Variants in CAPS2 observed in about 807,000 individuals in gnomAD.
The protein encoded by CAPS2 is calcyphosine 2, also known as calcyphosin-2.
Under a neutral mutation model 86.5 loss-of-function variants are expected in CAPS2, and 98 were observed. The ratio of observed to expected loss-of-function variants is 1.13; its 90% CI spans 0.96 to 1.34. The LOEUF (loss-of-function observed/expected upper bound fraction) is 1.34. CAPS2 is among the 40% of genes most tolerant of loss of function. The pLI is 0.00. For synonymous variants in CAPS2, 210 were observed against 225.1 expected, an observed-to-expected ratio of 0.93 and a Z score of 0.60; for missense variants, 729 against 686.8, an observed-to-expected ratio of 1.06 and a Z score of -0.69.
At chr12:75,284,540 A>C (rs1470107758) in intron 15 of CAPS2, among the ~76,000 whole-genome samples, 1 of 152,158 alleles carries the variant, frequency 6.6e-6, no homozygotes, top group Non-Finnish European at 1.5e-5. Flanking sequence ...AAACAAAATG[A>C]CTGGAGTATT....
chr12:75,299,912 C>A lies in CAPS2; in HGVS notation c.780-1G>T. 1 of 1,314,130 alleles carries A rather than the reference C, an allele frequency of 7.6e-7. No homozygotes were observed. The highest frequency in any genetic ancestry group is 1.0e-6 in the Non-Finnish European group (1 of 959,268). 81.4% of individuals were successfully genotyped at this position (1,314,130 alleles called of 1,614,324 possible). Reference sequence around the variant, plus strand: ...AGTTAATGTAGAATGAGTTCTTATCCTGTTAAGAAATACATTTTGTCAGTA... The same window carrying A: ...AGTTAATGTAGAATGAGTTCTTATCATGTTAAGAAATACATTTTGTCAGTA... On this transcript the variant is annotated splice_acceptor_variant, in intron 8 of 16. Transcript: ENST00000393284. LOFTEE classifies it high-confidence loss of function.
intron 1 of CAPS2, among the ~76,000 whole-genome samples, chr12:75,376,684 C>T (rs578134409): frequency 6.6e-6 from 1 of 152,290 alleles, no homozygotes; most frequent in African/African-American, 2.4e-5. Flanking sequence ...TCAGGGTCCT[C>T]CCACACATCC....
At chr12:75,359,356 T>TA (rs2043398016) in intron 1 of CAPS2, among the ~76,000 whole-genome samples, 1 of 132,822 alleles carries the variant, frequency 7.5e-6, no homozygotes, top group Non-Finnish European at 1.6e-5. Context: ...AGCATTGTTG[T>TA]CTTTTTTTTT....
chr12:75,344,078 T>G, intron 1 of CAPS2: 1 of 612,774 alleles, frequency 1.6e-6, no homozygotes, highest in Non-Finnish European at 2.7e-6. Context: ...TTGAGCAATT[T>G]AATAATAATA....
At chr12:75,381,099 C>T (rs2044941677) in intron 1 of CAPS2, among the ~76,000 whole-genome samples, 1 of 152,146 alleles carries the variant, frequency 6.6e-6, no homozygotes, top group Admixed American at 6.5e-5. Flanking sequence ...AGAATTCCCA[C>T]ATGTTGTAGG....
chr12:75,309,593 G>C (rs1038602600), intron 7 of CAPS2, among the ~76,000 whole-genome samples: 2 of 152,196 alleles, frequency 1.3e-5, no homozygotes, highest in Non-Finnish European at 2.9e-5. Context: ...AGGGTATCAT[G>C]AACCTTCAAA....
intron 1 of CAPS2, among the ~76,000 whole-genome samples, chr12:75,367,268 GAAA>G (rs35250320): frequency 4.5e-4 from 40 of 88,732 alleles, no homozygotes; most frequent in African/African-American, 1.0e-3. Flanking sequence ...TTCCTAGGAG[GAAA>G]AAAAAAAAAA....
At chr12:75,291,479 G>GCA (rs2035843825) in intron 13 of CAPS2, among the ~76,000 whole-genome samples, 1 of 14,894 alleles carries the variant, frequency 6.7e-5, no homozygotes, top group South Asian at 2.7e-3. Context: ...AACAATAAAA[G>GCA]CATATATATA....
chr12:75,334,313 C>G (rs572764303), upstream of CAPS2: 57 of 182,330 alleles, frequency 3.1e-4, no homozygotes, highest in Non-Finnish European at 4.4e-4. Context: ...ACGGAAGCTG[C>G]GTCTAAGAAA....
chr12:75,331,781 T>C (rs1433868186), upstream of CAPS2, among the ~76,000 whole-genome samples: 1 of 152,038 alleles, frequency 6.6e-6, no homozygotes, highest in Non-Finnish European at 1.5e-5. Context: ...GCCGGGATGG[T>C]CTCGATCTCC....
At chr12:75,384,210 TA>T (rs2045159796) in intron 1 of CAPS2, among the ~76,000 whole-genome samples, 1 of 152,056 alleles carries the variant, frequency 6.6e-6, no homozygotes, top group South Asian at 2.1e-4. Flanking sequence ...AGAAAATTAA[TA>T]AAATCAAAAG....
At chr12:75,390,188 T>A in intron 1 of CAPS2, 1 of 383,718 alleles carries the variant, frequency 2.6e-6, no homozygotes, top group South Asian at 2.0e-5. Context: ...TTTAAAGTCT[T>A]CAAAGCAAGT....
chr12:75,284,169 C>A lies in CAPS2; in HGVS notation c.1515+792G>T, dbSNP rs559366772. Among the ~76,000 whole-genome samples the A allele has an allele frequency of 1.1e-4, 17 of 152,136 alleles. No homozygotes were observed. In the East Asian group the frequency reaches 1.4e-3, roughly 12 times the overall value. ...ATCACCAGGAAGGACATGGAAAGTA[C>A]GAATAAGTACACATTTATAAATATT... is the stretch of plus-strand genomic sequence containing the variant. On this transcript the variant is annotated intron_variant, in intron 15 of 16. Coordinates refer to ENST00000393284, the Ensembl canonical transcript of CAPS2.
chr12:75,302,448 T>C (rs545588585), intron 8 of CAPS2, among the ~76,000 whole-genome samples: 1 of 152,336 alleles, frequency 6.6e-6, no homozygotes, highest in East Asian at 1.9e-4. Flanking sequence ...TATGTGGCAT[T>C]ACAAGTCAGA....
At chr12:75,299,980 CA>C (rs36046697) in intron 8 of CAPS2, 69 bp from the exon 9 acceptor site, 4 of 596,944 alleles carry the variant, frequency 6.7e-6, no homozygotes, top group East Asian at 3.1e-5. Flanking sequence ...TGTAAATGTA[CA>C]AAAAAAGTTA....
intron 1 of CAPS2, among the ~76,000 whole-genome samples, chr12:75,372,304 C>T (rs146627596): frequency 1.5e-3 from 229 of 152,274 alleles, no homozygotes; most frequent in African/African-American, 5.0e-3. Context: ...TGAGCCACCA[C>T]GCCCAACCTG....
At chr12:75,388,706 T>C (rs931834721) in intron 1 of CAPS2, among the ~76,000 whole-genome samples, 2 of 152,190 alleles carry the variant, frequency 1.3e-5, no homozygotes, top group African/African-American at 2.4e-5. Context: ...TGGTACTAAA[T>C]GCTGGAAACA....
At position 75,368,605 on chromosome 12, in the gene CAPS2, A is replaced by C. The variant is rs532178069; in HGVS notation, c.-395+22233T>G. The stretch of plus-strand genomic sequence containing the variant: ...AGATCCTTGTTAACTTTTTTTATTT[A>C]CAAATTTTTGCATTTATTTTTAGAA... On this transcript the variant is annotated intron_variant, in intron 1 of 5. Transcript: ENST00000551829. Among the ~76,000 whole-genome samples the C allele has an allele frequency of 2.0e-5, 3 of 151,528 alleles. No individual in the cohort carries two copies. The South Asian group carries it at 6.2e-4, about 31-fold the overall frequency.
At chr12:75,335,690 G>A in intron 1 of CAPS2, among the ~76,000 whole-genome samples, 1 of 152,042 alleles carries the variant, frequency 6.6e-6, no homozygotes, top group African/African-American at 2.4e-5. Context: ...CTAGTCTACT[G>A]TATAAGAAAA....
Sources: allele counts gnomAD v4.1 joint callset (sites outside exome capture counted in the v4.1 genomes callset), GRCh38; gene constraint gnomAD v4.1.1; transcripts MANE v1.5; gene names NCBI Gene and HGNC (gene_info 2026-07-23, HGNC 2026-07-21).